The following MEF2C variants were observed in gnomAD, a reference collection of about 807,000 sequenced individuals.
MEF2C encodes the protein myocyte enhancer factor 2C.
MEF2C carries 6 observed loss-of-function variants against 50.5 expected under a neutral mutation model. The observed-to-expected ratio is 0.12, with a 90% confidence interval of 0.07 to 0.23. The LOEUF (loss-of-function observed/expected upper bound fraction) is 0.23, where lower values mean the gene tolerates loss of function less well. Ranked by LOEUF, MEF2C falls within the 10% of genes least tolerant of loss-of-function variation. MEF2C has a pLI of 1.00. For missense variants in MEF2C, 276 were observed against 605.0 expected (o/e 0.46, Z 5.70); for synonymous variants, 183 against 228.0 (o/e 0.80, Z 1.78).
intron 3 of MEF2C, among the ~76,000 whole-genome samples, chr5:88,801,494 CTTT>C (rs35142539): frequency 5.7e-5 from 8 of 139,446 alleles, no homozygotes; most frequent in Non-Finnish European, 7.9e-5. Context: ...TACTTGGGAA[CTTT>C]TTTTTTTTTT....
intron 3 of MEF2C, chr5:88,766,718 T>G: frequency 1.0e-6 from 1 of 985,392 alleles, no homozygotes; most frequent in Non-Finnish European, 1.2e-6. Flanking sequence ...AAAATCCAAG[T>G]AATCACACTT....
chr5:88,757,843 G>C (rs960653939), intron 4 of MEF2C, among the ~76,000 whole-genome samples: 10 of 152,190 alleles, frequency 6.6e-5, no homozygotes, highest in African/African-American at 2.4e-4. Context: ...TTGAACATGG[G>C]AGGCGGAGGT....
At chr5:88,727,779 AT>A (rs1384315194) in intron 10 of MEF2C, among the ~76,000 whole-genome samples, 6 of 149,410 alleles carry the variant, frequency 4.0e-5, no homozygotes, top group Non-Finnish European at 8.9e-5. Flanking sequence ...TTTTAAAAAA[AT>A]GATTTGTTTT....
intron 3 of MEF2C, chr5:88,766,692 C>T: frequency 1.0e-6 from 1 of 985,376 alleles, no homozygotes; most frequent in South Asian, 4.7e-5. Flanking sequence ...CAAATTACTC[C>T]TATTAACCTT....
chr5:88,847,516 T>C (rs1038497990), intron 1 of MEF2C, among the ~76,000 whole-genome samples: 13 of 152,160 alleles, frequency 8.5e-5, no homozygotes, highest in Admixed American at 5.9e-4. Flanking sequence ...CAAAACATTA[T>C]TGAAATGACT....
chr5:88,724,374 T>C (rs1326021591), intron 10 of MEF2C, among the ~76,000 whole-genome samples: 1 of 152,144 alleles, frequency 6.6e-6, no homozygotes. Context: ...CGAGTTTATC[T>C]TTGAGTGATG....
At chr5:88,800,983 C>T (rs529723915) in intron 3 of MEF2C, among the ~76,000 whole-genome samples, 7 of 152,192 alleles carry the variant, frequency 4.6e-5, no homozygotes, top group Admixed American at 2.0e-4. Context: ...TGGAGTAGTG[C>T]TAATTATCAA....
At position 88,794,400 on chromosome 5, in the gene MEF2C, G is replaced by A. The variant is rs551308301; in HGVS notation, c.258+10198C>T. ...TTGCATTTCTCTAATGACCAGTGAT[G>A]ATTAGCTTTTTTTCATATGCTTGTT... On this transcript the variant is annotated intron_variant, in intron 3 of 10. Transcript: ENST00000504921. Among the ~76,000 whole-genome samples, 3 of 152,334 alleles carry A rather than the reference G, an allele frequency of 2.0e-5. 1 individual carries two copies. In the South Asian group the frequency reaches 6.2e-4, roughly 32 times the overall value.
intron 1 of MEF2C, among the ~76,000 whole-genome samples, chr5:88,833,461 T>C (rs1241141057): frequency 1.3e-5 from 2 of 152,230 alleles, no homozygotes; most frequent in East Asian, 3.9e-4. Flanking sequence ...AAAAAAAATC[T>C]GTAGAGAAAT....
chr5:88,747,346 T>A (rs1770319046), intron 6 of MEF2C, among the ~76,000 whole-genome samples: 7 of 26,260 alleles, frequency 2.7e-4, no homozygotes, highest in African/African-American at 4.4e-4. Flanking sequence ...TTTTTTTTTT[T>A]TTTTTTTTTT....
chr5:88,733,936 C>T lies in MEF2C; in HGVS notation c.638-2035G>A, dbSNP rs149939620. 20 of 985,206 alleles carry T rather than the reference C, an allele frequency of 2.0e-5. No homozygotes were observed. The African/African-American group carries it at 3.5e-4, about 17-fold the overall frequency. 61.0% of individuals were successfully genotyped at this position (985,206 alleles called of 1,614,324 possible). ...ATTCTCTAAAGCTAGATAAATATGA[C>T]AAACCCCCAAATTTTCTTTACAGTA... On this transcript the variant is annotated intron_variant, in intron 6 of 10. Transcript: ENST00000504921.
intron 1 of MEF2C, among the ~76,000 whole-genome samples, chr5:88,863,212 T>C (rs1198938750): frequency 6.6e-6 from 1 of 152,224 alleles, no homozygotes; most frequent in Non-Finnish European, 1.5e-5. Context: ...CAGTATAGTG[T>C]TTATCACATT....
upstream of MEF2C, among the ~76,000 whole-genome samples, chr5:88,885,542 C>T (rs915651757): frequency 5.3e-5 from 8 of 152,232 alleles, no homozygotes; most frequent in African/African-American, 1.7e-4. Flanking sequence ...TTTGCCATTA[C>T]CATGAATTCA....
At chr5:88,793,553 C>T (rs1794738999) in intron 3 of MEF2C, among the ~76,000 whole-genome samples, 1 of 152,104 alleles carries the variant, frequency 6.6e-6, no homozygotes, top group Admixed American at 6.6e-5. Context: ...GAAGGAAAAT[C>T]TGCAAATGAT....
chr5:88,805,597 G>T (rs1242014544), intron 2 of MEF2C, among the ~76,000 whole-genome samples: 1 of 151,994 alleles, frequency 6.6e-6, no homozygotes, highest in Non-Finnish European at 1.5e-5. Flanking sequence ...TCCCTGCCTG[G>T]AATCATTCCT....
rs768670596 is a variant in MEF2C at position 88,718,012 on chromosome 5, T to A, written c.*4592A>T. 6.6e-6 allele frequency: 1 copy of A among 152,180 alleles called. No homozygotes were observed. Among genetic ancestry groups the A allele is most frequent in the South Asian group, 2.1e-4 (1 of 4,834 alleles). 9.4% of individuals were successfully genotyped at this position (152,180 alleles called of 1,614,324 possible). ...GAAGTTGAACCATTCAATAAGAACC[T>A]TAGACTTCCACCACTGGCTGAATTC... On this transcript the variant is annotated 3_prime_UTR_variant, in exon 11 of 11. Transcript: ENST00000504921.
At chr5:88,848,338 A>G (rs745806317) in intron 1 of MEF2C, among the ~76,000 whole-genome samples, 45 of 152,212 alleles carry the variant, frequency 3.0e-4, no homozygotes, top group Admixed American at 2.6e-4. Flanking sequence ...TTGAATGGCT[A>G]CAACTTTCTA....
chr5:88,755,373 T>C (rs1774818916), intron 4 of MEF2C, among the ~76,000 whole-genome samples: 1 of 152,216 alleles, frequency 6.6e-6, no homozygotes, highest in Admixed American at 6.5e-5. Context: ...CCCAAAGTCA[T>C]CTAACTAGTG....
chr5:88,783,528 G>T (rs1789263240), intron 3 of MEF2C, among the ~76,000 whole-genome samples: 1 of 152,166 alleles, frequency 6.6e-6, no homozygotes, highest in African/African-American at 2.4e-5. Flanking sequence ...AGCTACTCGG[G>T]AGGCTGAGGA....
Sources: gnomAD v4.1 joint callset for allele counts (sites outside exome capture counted in the v4.1 genomes callset) on GRCh38, gnomAD v4.1.1 for gene constraint, MANE v1.5 for transcripts, NCBI Gene and HGNC (gene_info 2026-07-23, HGNC 2026-07-21) for gene names.